Variants in ENDOU observed in about 807,000 individuals in gnomAD.
The protein encoded by ENDOU is uridylate-specific endoribonuclease.
In ENDOU, 49 loss-of-function variants were observed where a neutral mutation model predicts 54.2. That is an observed-to-expected ratio of 0.90 (90% confidence interval 0.72 to 1.15). The LOEUF is 1.15. Ranked by LOEUF, ENDOU falls within the 50% of genes most tolerant of loss-of-function variation. The pLI, the probability that ENDOU is intolerant of heterozygous loss-of-function variation, is 0.00. For synonymous variants in ENDOU, 172 were observed against 190.5 expected (o/e 0.90, Z 0.80); for missense variants, 458 against 511.4 (o/e 0.90, Z 1.01).
At position 47,716,272 on chromosome 12, in the gene ENDOU, G is replaced by A. The variant is rs116302182; in HGVS notation, c.751+28C>T. The A allele has an allele frequency of 1.5e-3, 2,420 of 1,610,754 alleles. 26 individuals carry two copies. In the African/African-American group the frequency reaches 0.028, roughly 19 times the overall value. The stretch of plus-strand genomic sequence containing the variant: ...TGGCTTCGCTCAGACAGACTCATGC[G>A]CTCTGGGGCCTGGGGGTGCTCACTC... On this transcript the variant is annotated intron_variant, in intron 6 of 9. Coordinates refer to ENST00000422538, the MANE Select transcript of ENDOU (RefSeq NM_001172439.2).
At chr12:47,717,423 C>T (rs940529644) in intron 4 of ENDOU, 95 bp downstream of exon 4, 1 of 1,382,906 alleles carries the variant, frequency 7.2e-7, no homozygotes, top group Admixed American at 2.0e-5. Context: ...AGTTCTCAGA[C>T]ATTGCTGAAG....
chr12:47,719,081 T>C (rs181828990), intron 2 of ENDOU: 1 of 152,206 alleles, frequency 6.6e-6, no homozygotes, highest in Non-Finnish European at 1.5e-5. Flanking sequence ...CCACATTTTA[T>C]GCTAAACAGA....
At position 47,725,366 on chromosome 12, in the gene ENDOU, G is replaced by A. The variant is rs751746779; in HGVS notation, c.48C>T (p.Ala16=). 4 of 1,614,086 alleles carry A rather than the reference G, an allele frequency of 2.5e-6. No homozygotes were observed. Among genetic ancestry groups the A allele is most frequent in the Non-Finnish European group, 3.4e-6 (4 of 1,179,990 alleles). The change falls in exon 1 of 10, where the codon GCC becomes GCT. Residue 16 remains alanine (A), a synonymous_variant. Coordinates refer to ENST00000422538, the MANE Select transcript of ENDOU (RefSeq NM_001172439.2). ...CGCCAGATAGTGACTTACCAGCCCA[G>A]GCCAGGCCACACAGCACGGCCAATA... is the stretch of plus-strand genomic sequence containing the variant. The part of the protein sequence containing the change: ...SLVLAVLCGL[A]WAGKIESCAS...
intron 6 of ENDOU, among the ~76,000 whole-genome samples, chr12:47,715,261 A>G (rs1193020465): frequency 2.0e-5 from 3 of 152,180 alleles, no homozygotes; most frequent in African/African-American, 7.2e-5. Context: ...AACTTTAAGG[A>G]TAAGTGGGAT....
intron 1 of ENDOU, among the ~76,000 whole-genome samples, chr12:47,724,569 A>C (rs927539089): frequency 2.6e-5 from 4 of 152,120 alleles, no homozygotes; most frequent in African/African-American, 9.7e-5. Flanking sequence ...AACCCAGTGG[A>C]AGGATTCTTT....
At position 47,712,419 on chromosome 12, in the gene ENDOU, CT is replaced by C. The variant is rs946104999; in HGVS notation, c.972+96del. 56 of 920,822 alleles carry C rather than the reference CT, an allele frequency of 6.1e-5. 1 individual carries two copies. In the African/African-American group the frequency reaches 6.9e-4, roughly 11 times the overall value. 57.0% of individuals were successfully genotyped at this position (920,822 alleles called of 1,614,324 possible). A position where few individuals can be genotyped will look rare whatever the true frequency, so the allele number is the denominator to read the frequency against. On this transcript the variant is annotated intron_variant, in intron 8 of 9. Coordinates refer to ENST00000422538, the MANE Select transcript of ENDOU (RefSeq NM_001172439.2). ...AGTCACAATCACCTGGGGCTGCCCC[CT>C]GAGAGTCAGGCTGAGAGGCAAGTCG...
intron 2 of ENDOU, 86 bp from the exon 3 acceptor site, chr12:47,718,280 AG>A: frequency 1.6e-6 from 2 of 1,280,556 alleles, no homozygotes; most frequent in African/African-American, 1.5e-5. Flanking sequence ...CCCCAGCCTC[AG>A]GGGACAAGCA....
At chr12:47,712,401 A>G (rs1940057977) in intron 8 of ENDOU, 115 bp downstream of exon 8, 1 of 750,288 alleles carries the variant, frequency 1.3e-6, no homozygotes, top group African/African-American at 1.8e-5. Context: ...GATAGTCACA[A>G]TCACCTGGGG....
rs772096118 is a variant in ENDOU, at chr12:47,710,782, C to G, written c.*20G>C. 5.1e-6 allele frequency: 8 copies of G among 1,570,626 alleles called. No individual in the cohort carries two copies. In the South Asian group the frequency reaches 5.5e-5, roughly 11 times the overall value. On this transcript the variant is annotated 3_prime_UTR_variant, in exon 10 of 10. Coordinates refer to ENST00000422538, the MANE Select transcript of ENDOU (RefSeq NM_001172439.2). ...CAGTCTCGCAAGAGCCCTCATGCCC[C>G]TTTCTGGCTCGAAGTTCTATTAGGT... is the stretch of plus-strand genomic sequence containing the variant.
chr12:47,712,784 T>C (rs1446455325), intron 7 of ENDOU, among the ~76,000 whole-genome samples, 162 bp from the exon 8 acceptor site: 3 of 151,472 alleles, frequency 2.0e-5, no homozygotes, highest in Non-Finnish European at 4.4e-5. Context: ...CAGTCCTATC[T>C]CTCACCTCAG....
In ENDOU at chr12:47,720,739, A is replaced by T; in HGVS notation, c.178+14T>A. On this transcript the variant is annotated intron_variant, in intron 2 of 9. Transcript: ENST00000422538. ...GACAGGCTGGACATGCCTTCGTCTC[A>T]CAAGGAGGCTCACCAGTACACAGAT... The T allele has an allele frequency of 6.5e-7, 1 of 1,535,674 alleles. No homozygotes were observed. The highest frequency in any genetic ancestry group is 8.7e-7 in the Non-Finnish European group (1 of 1,146,710).
Position 47,725,456 on chromosome 12 carries a change from T to C in ENDOU, c.-43A>G. The C allele has an allele frequency of 3.2e-6, 5 of 1,583,800 alleles. No individual in the cohort carries two copies. In the South Asian group the frequency reaches 4.4e-5, roughly 14 times the overall value. On this transcript the variant is annotated 5_prime_UTR_variant, in exon 1 of 10. Coordinates refer to ENST00000422538, the MANE Select transcript of ENDOU (RefSeq NM_001172439.2). ...CAAAAAGGGAGTGGCTGTTGGACTTTCACTAGAGTCAGATGAATGTCACAG... is the reference window on the plus strand; with the variant it reads ...CAAAAAGGGAGTGGCTGTTGGACTTCCACTAGAGTCAGATGAATGTCACAG...
intron 1 of ENDOU, among the ~76,000 whole-genome samples, chr12:47,724,135 G>A (rs1940516216): frequency 1.3e-5 from 2 of 152,294 alleles, no homozygotes; most frequent in East Asian, 1.9e-4. Context: ...AATATCCAGA[G>A]TTGCTCTCCT....
At chr12:47,724,008 A>G (rs1412892887) in intron 1 of ENDOU, among the ~76,000 whole-genome samples, 3 of 152,112 alleles carry the variant, frequency 2.0e-5, no homozygotes, top group Non-Finnish European at 2.9e-5. Context: ...AGCCTCATAC[A>G]CTTGACCTCA....
chr12:47,716,782 G>C, intron 5 of ENDOU, 108 bp downstream of exon 5: 1 of 1,154,676 alleles, frequency 8.7e-7, no homozygotes, highest in Non-Finnish European at 1.2e-6. Flanking sequence ...TTTTTTTTCT[G>C]CTCTCCCTTT....
chr12:47,712,154 T>A (rs1054533654), intron 8 of ENDOU, among the ~76,000 whole-genome samples: 1 of 152,218 alleles, frequency 6.6e-6, no homozygotes, highest in African/African-American at 2.4e-5. Flanking sequence ...ATAAAGTGTA[T>A]GAAGTTTAGC....
intron 1 of ENDOU, among the ~76,000 whole-genome samples, 166 bp from the exon 2 acceptor site, chr12:47,721,041 G>A (rs1011001298): frequency 2.6e-5 from 4 of 152,068 alleles, no homozygotes; most frequent in African/African-American, 9.7e-5. Context: ...CACAACATAA[G>A]CCTCCTCCCC....
chr12:47,715,699 C>G (rs1207201423), intron 6 of ENDOU, among the ~76,000 whole-genome samples: 2 of 152,226 alleles, frequency 1.3e-5, no homozygotes, highest in South Asian at 2.1e-4. Flanking sequence ...ACAAACACAA[C>G]TCCATGCCAA....
intron 9 of ENDOU, 150 bp from the exon 10 acceptor site, chr12:47,711,069 G>A (rs770966540): frequency 6.1e-6 from 3 of 493,836 alleles, no homozygotes; most frequent in African/African-American, 5.9e-5. Flanking sequence ...TTCAGCAGCT[G>A]CCTCCAGCTC....
Sources: allele counts gnomAD v4.1 joint callset (sites outside exome capture counted in the v4.1 genomes callset), GRCh38; gene constraint gnomAD v4.1.1; transcripts MANE v1.5; gene names NCBI Gene and HGNC (gene_info 2026-07-23, HGNC 2026-07-21).